The following RIPOR2 variants were observed in gnomAD, a reference collection of about 807,000 sequenced individuals.
RIPOR2 encodes rho family-interacting cell polarization regulator 2.
A neutral mutation model predicts 114.5 loss-of-function variants in RIPOR2; 39 were observed. The observed-to-expected ratio is 0.34, with a 90% CI of 0.26 to 0.44. The LOEUF is 0.44. Among genes scored for constraint, RIPOR2 ranks in the 20% least tolerant of loss-of-function variants. RIPOR2 has a pLI of 1.00. For synonymous variants in RIPOR2, 445 were observed against 484.4 expected, an observed-to-expected ratio of 0.92 and a Z score of 1.07; for missense variants, 1,007 against 1,255.1, an observed-to-expected ratio of 0.80 and a Z score of 2.99.
chr6:24,976,851 A>G (rs916326586), intron 1 of RIPOR2: 2 of 1,609,910 alleles, frequency 1.2e-6, no homozygotes, highest in African/African-American at 2.7e-5. Flanking sequence ...GAGTGGTTGG[A>G]TGGCAAGCAT....
At chr6:24,850,286 C>G (rs376704021) in intron 10 of RIPOR2, among the ~76,000 whole-genome samples, 1 of 150,980 alleles carries the variant, frequency 6.6e-6, no homozygotes, top group African/African-American at 2.4e-5. Context: ...GTAGAGACGG[C>G]GTTTTGCCAT....
chr6:24,856,682 G>C (rs1218938117), intron 8 of RIPOR2, among the ~76,000 whole-genome samples: 1 of 152,206 alleles, frequency 6.6e-6, no homozygotes, highest in Non-Finnish European at 1.5e-5. Context: ...TTGAACCCAG[G>C]AGGCGGAGGT....
chr6:24,962,836 A>G (rs1408040477), intron 1 of RIPOR2, among the ~76,000 whole-genome samples: 1 of 152,094 alleles, frequency 6.6e-6, no homozygotes, highest in Non-Finnish European at 1.5e-5. Flanking sequence ...ATTGTTGGAG[A>G]GTGAATTTGC....
At chr6:24,876,723 A>G (rs1765799488) in intron 1 of RIPOR2, among the ~76,000 whole-genome samples, 1 of 152,230 alleles carries the variant, frequency 6.6e-6, no homozygotes, top group Admixed American at 6.5e-5. Flanking sequence ...AGATAAGAAC[A>G]CAAGGGCGGT....
intron 1 of RIPOR2, among the ~76,000 whole-genome samples, chr6:24,907,299 T>C (rs1407682531): frequency 6.6e-6 from 1 of 152,198 alleles, no homozygotes; most frequent in Non-Finnish European, 1.5e-5. Flanking sequence ...ATTCATCTCC[T>C]CCACACAGTA....
intron 1 of RIPOR2, among the ~76,000 whole-genome samples, chr6:24,931,227 G>C (rs1771367166): frequency 6.6e-6 from 1 of 151,972 alleles, no homozygotes; most frequent in African/African-American, 2.4e-5. Context: ...ATACTACCTT[G>C]GTTTTGTAAA....
chr6:24,993,826 A>G (rs1001206919), intron 1 of RIPOR2, among the ~76,000 whole-genome samples: 1 of 152,272 alleles, frequency 6.6e-6, no homozygotes, highest in African/African-American at 2.4e-5. Context: ...AGAGTTGAAC[A>G]GTCTCACAAA....
At chr6:25,029,010 C>T (rs1395612074) in intron 1 of RIPOR2, among the ~76,000 whole-genome samples, 1 of 151,984 alleles carries the variant, frequency 6.6e-6, no homozygotes, top group Non-Finnish European at 1.5e-5. Flanking sequence ...TGACGAGGGC[C>T]GGGTATGGTG....
intron 1 of RIPOR2, among the ~76,000 whole-genome samples, chr6:24,950,177 A>G (rs1273305946): frequency 1.3e-5 from 2 of 152,188 alleles, no homozygotes; most frequent in African/African-American, 4.8e-5. Context: ...GTAGTGTTTC[A>G]TTGGATGGTT....
chr6:24,839,825 G>A, intron 13 of RIPOR2: 1 of 1,313,172 alleles, frequency 7.6e-7, no homozygotes, highest in Non-Finnish European at 9.7e-7. Flanking sequence ...TTTACAAAAG[G>A]CGCTAGCTAT....
At chr6:24,940,286 C>T (rs140022704), upstream of RIPOR2, among the ~76,000 whole-genome samples, 1,130 of 152,258 alleles carry the variant, frequency 7.4e-3, 10 homozygotes, top group Middle Eastern at 0.024. Flanking sequence ...CAACATCCAA[C>T]GTGGGCTTTT....
intron 1 of RIPOR2, among the ~76,000 whole-genome samples, chr6:24,981,973 C>A (rs888627426): frequency 2.0e-5 from 3 of 152,226 alleles, no homozygotes; most frequent in African/African-American, 4.8e-5. Context: ...GTTTGGCAGA[C>A]CTTTCACAGA....
At chr6:24,907,511 C>T (rs1769113820) in intron 1 of RIPOR2, among the ~76,000 whole-genome samples, 1 of 152,138 alleles carries the variant, frequency 6.6e-6, no homozygotes, top group Admixed American at 6.5e-5. Context: ...GATGAGTTTA[C>T]TGTGACCAAA....
At chr6:25,021,426 G>A (rs1225333206) in intron 1 of RIPOR2, among the ~76,000 whole-genome samples, 1 of 152,108 alleles carries the variant, frequency 6.6e-6, no homozygotes, top group Non-Finnish European at 1.5e-5. Context: ...AAGAAATTGT[G>A]GTATACATTC....
upstream of RIPOR2, among the ~76,000 whole-genome samples, chr6:24,939,794 AG>A (rs1346184656): frequency 6.6e-6 from 1 of 152,234 alleles, no homozygotes; most frequent in African/African-American, 2.4e-5. Flanking sequence ...AGAGAACAAA[AG>A]TATAGATGAA....
At chr6:24,811,337 G>A (rs1456812382) in intron 20 of RIPOR2, among the ~76,000 whole-genome samples, 4 of 145,196 alleles carry the variant, frequency 2.8e-5, no homozygotes, top group African/African-American at 1.0e-4. Flanking sequence ...GGATTCAAGC[G>A]ATTCTCCTGC....
chr6:24,988,662 C>T (rs921437460), intron 1 of RIPOR2, among the ~76,000 whole-genome samples: 8 of 122,850 alleles, frequency 6.5e-5, no homozygotes, highest in African/African-American at 1.5e-4. Context: ...TTTTTCCCAA[C>T]ATCTGGTTGT....
chr6:24,976,078 T>C (rs966695891), intron 1 of RIPOR2, among the ~76,000 whole-genome samples: 2 of 152,188 alleles, frequency 1.3e-5, no homozygotes, highest in African/African-American at 4.8e-5. Flanking sequence ...GGTTAACTGG[T>C]TCAGCCTTTT....
In RIPOR2 at chr6:24,810,074, C is replaced by A. The variant is rs10946728; in HGVS notation, c.2953-267G>T. 0.75 allele frequency among the ~76,000 whole-genome samples: 113,173 copies of A among 151,856 alleles called. 44,316 individuals are homozygous for A. Among genetic ancestry groups the A allele is most frequent in the East Asian group, 0.88 (4,537 of 5,156 alleles). ...CTATGTTGCCCAGGCTAGTCGAATT[C>A]TTCTGCCTTGGCCTCCTAATGTGGT... On this transcript the variant is annotated intron_variant, in intron 20 of 21. Coordinates refer to ENST00000643898, the MANE Select transcript of RIPOR2 (RefSeq NM_001286445.3).
Sources: allele counts gnomAD v4.1 joint callset (sites outside exome capture counted in the v4.1 genomes callset), GRCh38; gene constraint gnomAD v4.1.1; transcripts MANE v1.5; gene names NCBI Gene and HGNC (gene_info 2026-07-23, HGNC 2026-07-21).